TULP4: variants seen among roughly 807,000 people sequenced by gnomAD.
The protein encoded by TULP4 is tubby-related protein 4.
TULP4 carries 16 observed loss-of-function variants against 129.0 expected under a neutral mutation model. The observed-to-expected ratio is 0.12, with a 90% CI of 0.08 to 0.19. The LOEUF is 0.19. TULP4 is among the 10% of genes least tolerant of loss of function. The probability of loss-of-function intolerance (pLI) is 1.00; values close to 1 mark genes in which losing one functional copy is unlikely to be tolerated. For synonymous variants in TULP4, 998 were observed against 854.0 expected, an observed-to-expected ratio of 1.17 and a Z score of -2.94; for missense variants, 1,842 against 2,059.1, an observed-to-expected ratio of 0.89 and a Z score of 2.04.
At chr6:158,240,024 G>A (rs1232301703) in intron 1 of TULP4, among the ~76,000 whole-genome samples, 2 of 118,934 alleles carry the variant, frequency 1.7e-5, no homozygotes, top group African/African-American at 5.8e-5. Flanking sequence ...CGGACGGGGC[G>A]GCTGGCCGGG....
chr6:158,367,416 G>A (rs180766535), intron 1 of TULP4, among the ~76,000 whole-genome samples: 6 of 152,208 alleles, frequency 3.9e-5, no homozygotes, highest in Middle Eastern at 3.4e-3. Flanking sequence ...TGTGTTTTAC[G>A]AATGATGTTT....
At chr6:158,431,142 C>T (rs1037747710) in intron 3 of TULP4, among the ~76,000 whole-genome samples, 3 of 151,974 alleles carry the variant, frequency 2.0e-5, no homozygotes, top group African/African-American at 4.8e-5. Context: ...GCTTAGATTC[C>T]TTTATTATAA....
At position 158,461,551 on chromosome 6, in the gene TULP4, CCT is replaced by C; in HGVS notation, c.860-9_860-8del. 6.2e-7 allele frequency: 1 copy of C among 1,611,508 alleles called. No individual in the cohort carries two copies. The highest frequency in any genetic ancestry group is 1.3e-5 in the African/African-American group (1 of 75,006). ...CTGTGTCCTTGTGCTGACCCTCTCT[CCT>C]CTGTTTCAGAGGTGGTAGCCCAGTG... On this transcript the variant is annotated splice_polypyrimidine_tract_variant and intron_variant, in intron 5 of 13. Coordinates refer to ENST00000367097, the MANE Select transcript of TULP4 (RefSeq NM_020245.5).
At chr6:158,296,172 C>T (rs1469532668) in intron 1 of TULP4, among the ~76,000 whole-genome samples, 1 of 151,290 alleles carries the variant, frequency 6.6e-6, no homozygotes, top group Non-Finnish European at 1.5e-5. Context: ...TTATTTTCTC[C>T]TTCCTTTCTT....
At chr6:158,330,193 A>G (rs7772280) in intron 1 of TULP4, among the ~76,000 whole-genome samples, 130,836 of 151,994 alleles carry the variant, frequency 0.86, 56,741 homozygotes, top group South Asian at 0.93. Flanking sequence ...GATTAGCCAC[A>G]CTGGCAAGTG....
At chr6:158,443,995 G>A (rs1017435043) in intron 3 of TULP4, among the ~76,000 whole-genome samples, 41 of 151,826 alleles carry the variant, frequency 2.7e-4, no homozygotes, top group East Asian at 5.8e-4. Flanking sequence ...CAGGGTGGGC[G>A]GATCACAAGG....
chr6:158,352,853 C>G (rs1583786075), intron 1 of TULP4, among the ~76,000 whole-genome samples: 1 of 152,126 alleles, frequency 6.6e-6, no homozygotes, highest in Middle Eastern at 3.4e-3. Flanking sequence ...TCACATTTGG[C>G]TTTGTTTTAT....
At chr6:158,449,295 C>A in intron 4 of TULP4, 119 bp downstream of exon 4, 1 of 1,077,126 alleles carries the variant, frequency 9.3e-7, no homozygotes, top group Non-Finnish European at 1.3e-6. Context: ...GGCACCCGGG[C>A]TTCCTGGGAA....
chr6:158,347,508 T>C (rs774471600), intron 1 of TULP4, among the ~76,000 whole-genome samples: 22 of 152,224 alleles, frequency 1.4e-4, no homozygotes, highest in Non-Finnish European at 2.8e-4. Flanking sequence ...TTTACAAGCA[T>C]CCAGAGACCA....
At chr6:158,479,598 G>A (rs1021568082) in intron 6 of TULP4, among the ~76,000 whole-genome samples, 153 bp from the exon 7 acceptor site, 40 of 152,178 alleles carry the variant, frequency 2.6e-4, no homozygotes, top group African/African-American at 5.8e-4. Flanking sequence ...CTGAATTTTC[G>A]TAATATAGTG....
In TULP4 at chr6:158,503,089, T is replaced by C. The variant is rs764265881; in HGVS notation, c.3426T>C (p.Thr1142=). The C allele has an allele frequency of 6.2e-7, 1 of 1,614,110 alleles. No homozygotes were observed. The change falls in exon 13 of 14, where the codon ACT becomes ACC. Residue 1142 remains threonine (T), a synonymous_variant. Transcript: ENST00000367097. This position sits in a 1 kb window ranked among gnomAD's most constrained non-coding sequence, Gnocchi z 4.3. Reference sequence around the variant, plus strand: ...TTCCTCAAGAAAGGACAGCACAGACTTCAGGGCCCAACCCCTTAAAACTGT... The same window carrying C: ...TTCCTCAAGAAAGGACAGCACAGACCTCAGGGCCCAACCCCTTAAAACTGT... ...VWVPQERTAQ[T]SGPNPLKLSS...
At chr6:158,289,854 T>C (rs1295011312) in intron 1 of TULP4, among the ~76,000 whole-genome samples, 1 of 152,130 alleles carries the variant, frequency 6.6e-6, no homozygotes, top group African/African-American at 2.4e-5. Flanking sequence ...GTGTTGGGAT[T>C]GCACATGTAA....
At chr6:158,340,119 T>C (rs1780147383) in intron 1 of TULP4, among the ~76,000 whole-genome samples, 1 of 152,140 alleles carries the variant, frequency 6.6e-6, no homozygotes, top group South Asian at 2.1e-4. Context: ...CTGTAGGCAG[T>C]AGGACATGTT....
intron 1 of TULP4, among the ~76,000 whole-genome samples, chr6:158,273,533 C>T (rs1012735013): frequency 9.2e-5 from 14 of 152,216 alleles, no homozygotes; most frequent in African/African-American, 3.4e-4. Context: ...ATTTACTTGA[C>T]CCTGCCATTT....
intron 1 of TULP4, among the ~76,000 whole-genome samples, chr6:158,381,425 A>G (rs1292558174): frequency 6.6e-6 from 1 of 152,210 alleles, no homozygotes. Flanking sequence ...TAAAGGCTTA[A>G]TAGAGCCTTA....
intron 1 of TULP4, among the ~76,000 whole-genome samples, chr6:158,371,011 C>T (rs1165635738): frequency 1.3e-5 from 2 of 152,228 alleles, no homozygotes; most frequent in East Asian, 3.8e-4. Context: ...AGCTCCCTTA[C>T]AGGCTCCTGC....
Position 158,353,142 on chromosome 6 carries a change from C to T in TULP4, c.252+38874C>T, listed in dbSNP as rs150674635. Reference sequence around the variant, plus strand: ...GTAGCATGGCTGTCCCCATCGACCTCCCAGGCCTCCTGGCTTCAGTAATTT... The same window carrying T: ...GTAGCATGGCTGTCCCCATCGACCTTCCAGGCCTCCTGGCTTCAGTAATTT... On this transcript the variant is annotated intron_variant, in intron 1 of 13. Transcript: ENST00000367097. Among the ~76,000 whole-genome samples, 227 of 152,328 alleles carry T rather than the reference C, an allele frequency of 1.5e-3. 1 individual carries two copies. The highest frequency in any genetic ancestry group is 3.4e-3 in the Middle Eastern group (1 of 294).
intron 1 of TULP4, among the ~76,000 whole-genome samples, chr6:158,382,988 A>G (rs1385810480): frequency 1.3e-5 from 2 of 152,230 alleles, no homozygotes; most frequent in African/African-American, 4.8e-5. Context: ...TGTGCCAAAA[A>G]TGGAATGAGA....
At chr6:158,447,689 A>T (rs1176841876) in intron 3 of TULP4, among the ~76,000 whole-genome samples, 1 of 152,332 alleles carries the variant, frequency 6.6e-6, no homozygotes, top group Admixed American at 6.5e-5. Context: ...TCACATTAAA[A>T]TCTCAAGCAA....
Sources: gnomAD v4.1 joint callset for allele counts (sites outside exome capture counted in the v4.1 genomes callset) on GRCh38, gnomAD v4.1.1 for gene constraint, Gnocchi (gnomAD v3.1) non-coding constraint, MANE v1.5 for transcripts, NCBI Gene and HGNC (gene_info 2026-07-23, HGNC 2026-07-21) for gene names.